TBC1D1: variants seen among roughly 807,000 people sequenced by gnomAD.
TBC1D1 encodes the protein TBC1 (tre-2/USP6, BUB2, cdc16) domain family, member 1.
In TBC1D1, 89 loss-of-function variants were observed where a neutral mutation model predicts 125.6. The ratio of observed to expected loss-of-function variants is 0.71; its 90% CI spans 0.60 to 0.85. The LOEUF is 0.85. Ranked by LOEUF, TBC1D1 falls within the 40% of genes least tolerant of loss-of-function variation. The probability of loss-of-function intolerance (pLI) is 0.00; values close to 1 mark genes in which losing one functional copy is unlikely to be tolerated. For synonymous variants in TBC1D1, 565 were observed against 564.1 expected, an observed-to-expected ratio of 1.00 and a Z score of -0.02; for missense variants, 1,377 against 1,469.2, an observed-to-expected ratio of 0.94 and a Z score of 1.03.
At chr4:38,050,651 A>G (rs1750347428) in intron 11 of TBC1D1, among the ~76,000 whole-genome samples, 1 of 152,184 alleles carries the variant, frequency 6.6e-6, no homozygotes, top group South Asian at 2.1e-4. Flanking sequence ...TCTCTCACCT[A>G]ATATGAATCA....
chr4:38,016,054 C>T (rs1032322112), intron 3 of TBC1D1, among the ~76,000 whole-genome samples: 2 of 152,158 alleles, frequency 1.3e-5, no homozygotes, highest in African/African-American at 4.8e-5. Context: ...TGCTAACGTC[C>T]CTTGCCACAT....
At position 38,020,669 on chromosome 4, in the gene TBC1D1, G is replaced by A. The variant is rs746096072; in HGVS notation, c.1051G>A (p.Val351Met). The A allele has an allele frequency of 9.9e-6, 16 of 1,612,278 alleles. No homozygotes were observed. Among genetic ancestry groups the A allele is most frequent in the East Asian group, 2.2e-5 (1 of 44,754 alleles). ...TGGCGGCTTTCATTTTGTCTGTTAC[G>A]TGTTTCAGTGCACAAATGAGGCTCT... Residue 351 changes from valine to methionine, a missense_variant, in exon 5 of 20, where the codon GTG (valine) becomes ATG (methionine). Val to Met is a conservative substitution (Grantham distance 21, BLOSUM62 1). This residue lies in a region of TBC1D1 where 822 missense variants were observed against 824.6 expected (regional missense o/e 1.00). Transcript: ENST00000261439.
At chr4:38,056,109 G>A (rs1010587426) in intron 12 of TBC1D1, among the ~76,000 whole-genome samples, 2 of 152,194 alleles carry the variant, frequency 1.3e-5, no homozygotes, top group African/African-American at 2.4e-5. Context: ...AGACTGAGCC[G>A]CATCCTGCCT....
chr4:38,016,967 A>G (rs1005650350), intron 3 of TBC1D1, among the ~76,000 whole-genome samples: 1 of 152,116 alleles, frequency 6.6e-6, no homozygotes, highest in African/African-American at 2.4e-5. Context: ...TCCAGGTGAG[A>G]GATAGTGGGG....
At chr4:37,927,403 AGT>A (rs1183691405) in intron 2 of TBC1D1, among the ~76,000 whole-genome samples, 1 of 152,076 alleles carries the variant, frequency 6.6e-6, no homozygotes, top group African/African-American at 2.4e-5. Flanking sequence ...CTAGGTTTCA[AGT>A]GTTTCTCTCT....
intron 8 of TBC1D1, among the ~76,000 whole-genome samples, chr4:38,039,744 T>G (rs1747980398): frequency 6.6e-6 from 1 of 152,132 alleles, no homozygotes; most frequent in African/African-American, 2.4e-5. Context: ...ATGCTTAGAG[T>G]TTACCCCATC....
intron 16 of TBC1D1, among the ~76,000 whole-genome samples, chr4:38,117,815 A>G (rs1014515532): frequency 3.9e-5 from 6 of 152,252 alleles, no homozygotes; most frequent in African/African-American, 1.4e-4. Flanking sequence ...ACCCAGCGTT[A>G]GCGTCCTGGG....
intron 12 of TBC1D1, among the ~76,000 whole-genome samples, chr4:38,081,153 C>T (rs993165020): frequency 7.2e-5 from 11 of 152,118 alleles, no homozygotes; most frequent in Non-Finnish European, 1.2e-4. Context: ...GACTTCTCTC[C>T]TTTCTGCCCA....
At chr4:38,099,070 C>T (rs1215155835) in intron 14 of TBC1D1, among the ~76,000 whole-genome samples, 1 of 152,134 alleles carries the variant, frequency 6.6e-6, no homozygotes, top group African/African-American at 2.4e-5. Context: ...AGAGGGGCTG[C>T]CTGGGCTGCT....
At chr4:38,041,936 G>C (rs1195592984) in intron 8 of TBC1D1, among the ~76,000 whole-genome samples, 3 of 152,162 alleles carry the variant, frequency 2.0e-5, no homozygotes, top group African/African-American at 7.2e-5. Context: ...CACTTTGGGA[G>C]GCCAAGGCAG....
At chr4:37,969,243 A>G (rs187636551) in intron 2 of TBC1D1, among the ~76,000 whole-genome samples, 29 of 152,332 alleles carry the variant, frequency 1.9e-4, no homozygotes, top group African/African-American at 6.3e-4. Flanking sequence ...TATAATTCCA[A>G]TATCAATCAT....
intron 2 of TBC1D1, among the ~76,000 whole-genome samples, chr4:37,930,183 C>T (rs1374626754): frequency 1.3e-5 from 2 of 152,158 alleles, no homozygotes; most frequent in African/African-American, 4.8e-5. Context: ...AAATGAACTA[C>T]AGTTATGTGT....
intron 2 of TBC1D1, among the ~76,000 whole-genome samples, chr4:37,907,596 A>T (rs1717606718): frequency 6.6e-6 from 1 of 152,232 alleles, no homozygotes; most frequent in Non-Finnish European, 1.5e-5. Context: ...ATGTGTGAAC[A>T]CAGTGGCATA....
chr4:37,921,144 C>T (rs1344035596), intron 2 of TBC1D1, among the ~76,000 whole-genome samples: 1 of 140,678 alleles, frequency 7.1e-6, no homozygotes, highest in East Asian at 2.1e-4. Context: ...AGAATGGAGA[C>T]AAACGACAAC....
intron 2 of TBC1D1, among the ~76,000 whole-genome samples, chr4:37,920,886 C>A (rs748116999): frequency 1.3e-4 from 19 of 151,922 alleles, no homozygotes; most frequent in Non-Finnish European, 1.8e-4. Context: ...CGAGGCGGGC[C>A]GATCACGAGG....
intron 18 of TBC1D1, among the ~76,000 whole-genome samples, chr4:38,127,726 T>C (rs28564243): frequency 0.038 from 5,825 of 152,240 alleles, 388 homozygotes; most frequent in African/African-American, 0.13. Flanking sequence ...TTATAATTCC[T>C]ATTTTTATAG....
At chr4:38,023,645 C>G (rs1428264329) in intron 6 of TBC1D1, among the ~76,000 whole-genome samples, 1 of 152,180 alleles carries the variant, frequency 6.6e-6, no homozygotes, top group Non-Finnish European at 1.5e-5. Flanking sequence ...GTCTGAATTT[C>G]ATTCCTTTTT....
chr4:38,087,345 T>C (rs1201003703), intron 12 of TBC1D1, among the ~76,000 whole-genome samples: 1 of 152,224 alleles, frequency 6.6e-6, no homozygotes, highest in East Asian at 1.9e-4. Flanking sequence ...TACATGGATC[T>C]GGGGACAAAC....
intron 2 of TBC1D1, among the ~76,000 whole-genome samples, chr4:37,966,706 T>G (rs1731144957): frequency 6.6e-6 from 1 of 152,242 alleles, no homozygotes; most frequent in Admixed American, 6.5e-5. Flanking sequence ...TAGGGTTTGC[T>G]GCACCCATCA....
Sources: gnomAD v4.1 joint callset for allele counts (sites outside exome capture counted in the v4.1 genomes callset) on GRCh38, gnomAD v4.1.1 for gene constraint, gnomAD v4.1.1 regional missense constraint, MANE v1.5 for transcripts, NCBI Gene and HGNC (gene_info 2026-07-23, HGNC 2026-07-21) for gene names.